The following FBXO34 variants were observed in gnomAD, a reference collection of about 807,000 sequenced individuals.
FBXO34 encodes F-box protein 34.
A neutral mutation model predicts 24.5 loss-of-function variants in FBXO34; 12 were observed. The ratio of observed to expected loss-of-function variants is 0.49; its 90% CI spans 0.31 to 0.79. The LOEUF is 0.79. Ranked by LOEUF, FBXO34 falls within the 30% of genes least tolerant of loss-of-function variation. The pLI, the probability that FBXO34 is intolerant of heterozygous loss-of-function variation, is 0.04. For missense variants in FBXO34, 823 were observed against 857.7 expected (o/e 0.96, Z 0.51); for synonymous variants, 320 against 311.9 (o/e 1.03, Z -0.27).
At chr14:55,339,591 A>G (rs1173381690) in intron 1 of FBXO34, 1 of 152,196 alleles carries the variant, frequency 6.6e-6, no homozygotes, top group Non-Finnish European at 1.5e-5. Flanking sequence ...GGATAAGACA[A>G]ATACACCAGA....
downstream of FBXO34, among the ~76,000 whole-genome samples, chr14:55,373,308 G>A (rs1255359754): frequency 6.6e-6 from 1 of 152,118 alleles, no homozygotes; most frequent in Non-Finnish European, 1.5e-5. Flanking sequence ...GATCTTTCTA[G>A]CTTTGTAAAA....
chr14:55,364,534 C>T (rs986492203), downstream of FBXO34, among the ~76,000 whole-genome samples: 1 of 152,022 alleles, frequency 6.6e-6, no homozygotes, highest in Non-Finnish European at 1.5e-5. Flanking sequence ...ATGTGATTCT[C>T]CCGCCTCAGC....
chr14:55,413,201 A>C, the FBXO34 span, among the ~76,000 whole-genome samples: 1 of 152,220 alleles, frequency 6.6e-6, no homozygotes, highest in Non-Finnish European at 1.5e-5. Flanking sequence ...CAAAAGGATT[A>C]TTTTTTAAGG....
chr14:55,291,296 G>T (rs1881937489), intron 1 of FBXO34, among the ~76,000 whole-genome samples: 1 of 152,182 alleles, frequency 6.6e-6, no homozygotes, highest in Admixed American at 6.5e-5. Flanking sequence ...TGCCTGATAG[G>T]ACATGTAGGT....
At chr14:55,395,819 T>A in the FBXO34 span, 1 of 574,170 alleles carries the variant, frequency 1.7e-6, no homozygotes, top group Middle Eastern at 5.2e-4. Flanking sequence ...ACGCTACAAG[T>A]GGATTAAGTA....
At chr14:55,359,682 T>G (rs1054546327) in intron 3 of FBXO34, among the ~76,000 whole-genome samples, 2 of 152,156 alleles carry the variant, frequency 1.3e-5, no homozygotes, top group African/African-American at 4.8e-5. Flanking sequence ...TCACGAAAGA[T>G]TTCTCTGTAG....
At chr14:55,300,523 A>C (rs1882314830) in intron 1 of FBXO34, among the ~76,000 whole-genome samples, 1 of 152,212 alleles carries the variant, frequency 6.6e-6, no homozygotes, top group Non-Finnish European at 1.5e-5. Flanking sequence ...TGAATCCGGG[A>C]GGCGGAGGTT....
At chr14:55,371,586 C>G (rs796684650), downstream of FBXO34, among the ~76,000 whole-genome samples, 1 of 151,846 alleles carries the variant, frequency 6.6e-6, no homozygotes, top group Non-Finnish European at 1.5e-5. Context: ...GCGGGCAGAT[C>G]ACGAGGTCAG....
intron 1 of FBXO34, among the ~76,000 whole-genome samples, chr14:55,272,588 C>T (rs1594716153): frequency 6.9e-6 from 1 of 145,770 alleles, no homozygotes; most frequent in Non-Finnish European, 1.5e-5. Flanking sequence ...TAGAAAATGG[C>T]CAGGAGGAGG....
At chr14:55,369,360 G>T (rs188833902), downstream of FBXO34, 191 of 298,874 alleles carry the variant, frequency 6.4e-4, 1 homozygote, top group African/African-American at 3.8e-3. Flanking sequence ...ACACGCACAG[G>T]TCCTCCTTCC....
chr14:55,327,396 C>G (rs28568813), intron 1 of FBXO34, among the ~76,000 whole-genome samples: 84,860 of 152,030 alleles, frequency 0.56, 26,714 homozygotes, highest in African/African-American at 0.87. Context: ...GATCACTCTG[C>G]CTGCGGAGTT....
the FBXO34 span, among the ~76,000 whole-genome samples, chr14:55,402,526 G>A: frequency 6.6e-6 from 1 of 151,856 alleles, no homozygotes; most frequent in Non-Finnish European, 1.5e-5. Context: ...GTGTTCAATG[G>A]GAGAAAGACT....
intron 1 of FBXO34, among the ~76,000 whole-genome samples, chr14:55,350,115 A>C (rs572054926): frequency 6.6e-6 from 1 of 151,796 alleles, no homozygotes; most frequent in South Asian, 2.1e-4. Context: ...ATGTTAACTG[A>C]AGTCAGTTTC....
intron 1 of FBXO34, among the ~76,000 whole-genome samples, chr14:55,279,665 T>C (rs562379995): frequency 2.0e-5 from 3 of 152,324 alleles, no homozygotes; most frequent in African/African-American, 4.8e-5. Flanking sequence ...TTGTGTCTCA[T>C]TGACTTTGGG....
chr14:55,411,951 T>A, the FBXO34 span: 1 of 824,970 alleles, frequency 1.2e-6, no homozygotes, highest in Non-Finnish European at 1.9e-6. Context: ...CGCCGCCGCG[T>A]GTTCCTGTCC....
the FBXO34 span, chr14:55,377,926 G>T: frequency 6.3e-7 from 1 of 1,593,362 alleles, no homozygotes; most frequent in Non-Finnish European, 8.5e-7. Context: ...TAAAGAATTG[G>T]TTAATATTTT....
downstream of FBXO34, among the ~76,000 whole-genome samples, chr14:55,373,075 TG>T: frequency 6.6e-6 from 1 of 152,170 alleles, no homozygotes; most frequent in Non-Finnish European, 1.5e-5. Context: ...ATACATCACC[TG>T]CCTGCCAGAC....
At chr14:55,428,119 CTTTTTT>C in the FBXO34 span, among the ~76,000 whole-genome samples, 198 of 43,316 alleles carry the variant, frequency 4.6e-3, no homozygotes, top group African/African-American at 0.021. Flanking sequence ...CATGCCTTAT[CTTTTTT>C]TTTTTTTTTT....
At chr14:55,429,365 G>C in the FBXO34 span, among the ~76,000 whole-genome samples, 1 of 152,200 alleles carries the variant, frequency 6.6e-6, no homozygotes, top group Non-Finnish European at 1.5e-5. Context: ...CAGAAACTCT[G>C]GGGGTGGGGC....
Sources: allele counts gnomAD v4.1 joint callset (sites outside exome capture counted in the v4.1 genomes callset), GRCh38; gene constraint gnomAD v4.1.1; transcripts MANE v1.5; gene names NCBI Gene and HGNC (gene_info 2026-07-23, HGNC 2026-07-21).